DAB1: variants seen among roughly 807,000 people sequenced by gnomAD.
DAB1 encodes disabled homolog 1.
In DAB1, 15 loss-of-function variants were observed where a neutral mutation model predicts 64.6. The observed-to-expected ratio is 0.23, with a 90% CI of 0.16 to 0.36. The LOEUF (loss-of-function observed/expected upper bound fraction) is 0.36. DAB1 is among the 10% of genes least tolerant of loss of function. DAB1 has a pLI of 1.00. For synonymous variants in DAB1, 235 were observed against 251.9 expected, an observed-to-expected ratio of 0.93 and a Z score of 0.64; for missense variants, 596 against 706.7, an observed-to-expected ratio of 0.84 and a Z score of 1.78.
At chr1:58,163,326 G>A (rs1655645798) in intron 4 of DAB1, among the ~76,000 whole-genome samples, 1 of 152,182 alleles carries the variant, frequency 6.6e-6, no homozygotes, top group African/African-American at 2.4e-5. Context: ...CGGTAGATAT[G>A]GGAATGACAT....
At position 58,459,881 on chromosome 1, in the gene DAB1, G is replaced by A. The variant is rs10889094; in HGVS notation, n.257+46179C>T. On this transcript the variant is annotated intron_variant and non_coding_transcript_variant, in intron 3 of 20. Transcript: ENST00000485760. ...TAATCCCAGCTACTCAGGAGACTGC[G>A]GCATGAGGATCACTTGAATGCAGGA... Among the ~76,000 whole-genome samples the A allele has an allele frequency of 7.8e-3, 1,186 of 152,252 alleles. 18 individuals carry two copies. The highest frequency in any genetic ancestry group is 0.027 in the African/African-American group (1,125 of 41,532).
At chr1:58,206,337 G>A (rs1157089595) in intron 4 of DAB1, among the ~76,000 whole-genome samples, 1 of 152,210 alleles carries the variant, frequency 6.6e-6, no homozygotes, top group African/African-American at 2.4e-5. Flanking sequence ...GGATGAATGA[G>A]TTTTGTCTGT....
At chr1:58,383,258 T>C (rs1035803896) in intron 3 of DAB1, among the ~76,000 whole-genome samples, 1 of 152,202 alleles carries the variant, frequency 6.6e-6, no homozygotes, top group Non-Finnish European at 1.5e-5. Context: ...ATATAGTAAG[T>C]GCATGACAGA....
At chr1:57,192,958 T>C (rs1664274853) in intron 2 of DAB1, among the ~76,000 whole-genome samples, 1 of 152,202 alleles carries the variant, frequency 6.6e-6, no homozygotes, top group Non-Finnish European at 1.5e-5. Flanking sequence ...AAGTTATATA[T>C]ATTTACAGTG....
chr1:57,328,391 C>T (rs1676362986), intron 1 of DAB1, among the ~76,000 whole-genome samples: 1 of 152,086 alleles, frequency 6.6e-6, no homozygotes, highest in African/African-American at 2.4e-5. Context: ...CACATGAGCT[C>T]ATGGAAAAGA....
chr1:58,074,074 T>G (rs1649443583), intron 5 of DAB1, among the ~76,000 whole-genome samples: 1 of 152,172 alleles, frequency 6.6e-6, no homozygotes, highest in Non-Finnish European at 1.5e-5. Context: ...CTCAAATACA[T>G]GAGCCGGTAA....
intron 2 of DAB1, among the ~76,000 whole-genome samples, chr1:57,160,790 C>T (rs914273204): frequency 6.6e-6 from 1 of 152,174 alleles, no homozygotes; most frequent in Non-Finnish European, 1.5e-5. Flanking sequence ...GGAAATAATG[C>T]TTACCTTGCA....
chr1:58,300,638 GAGAGAGAGAGGAAGGA>G (rs1557726248), intron 4 of DAB1, among the ~76,000 whole-genome samples: 16 of 61,834 alleles, frequency 2.6e-4, no homozygotes, highest in Middle Eastern at 7.4e-3. Context: ...GAGAGAGAGA[GAGAGAGAGAGGAAGGA>G]AGGAAGGAAG....
rs1381440433 is a variant in DAB1, at chr1:58,106,090, TTC to T, written n.387+44419_387+44420del. On this transcript the variant is annotated intron_variant and non_coding_transcript_variant, in intron 5 of 20. Transcript: ENST00000485760. ...GTTTTTTGTTTTTTGTTTTCCTTCC[TTC>T]CTTCCTTCCTTCCTTCCTTTTCTTT... Among the ~76,000 whole-genome samples, 8 of 86,536 alleles carry T rather than the reference TTC, an allele frequency of 9.2e-5. No homozygotes were observed. The East Asian group carries it at 5.4e-3, about 59-fold the overall frequency. The allele number at this position is 86,536 out of a possible 152,430, so 56.8% of individuals were successfully genotyped here. A position where few individuals can be genotyped will look rare whatever the true frequency, so the allele number is the denominator to read the frequency against.
intron 7 of DAB1, among the ~76,000 whole-genome samples, chr1:57,643,200 A>AT (rs1646152068): frequency 6.6e-6 from 1 of 152,158 alleles, no homozygotes; most frequent in South Asian, 2.1e-4. Flanking sequence ...TGCACTCACA[A>AT]TTGGCTGCCT....
At chr1:57,917,800 C>T (rs1644749314) in intron 5 of DAB1, among the ~76,000 whole-genome samples, 1 of 152,192 alleles carries the variant, frequency 6.6e-6, no homozygotes, top group Non-Finnish European at 1.5e-5. Flanking sequence ...GCCCCCTCTT[C>T]AGCACTCCCC....
intron 1 of DAB1, among the ~76,000 whole-genome samples, chr1:57,415,797 T>C (rs1053504237): frequency 1.3e-5 from 2 of 152,188 alleles, no homozygotes; most frequent in Non-Finnish European, 2.9e-5. Flanking sequence ...TAGGTACTGC[T>C]ACACCATCAC....
At chr1:57,117,898 T>A (rs190193613) in intron 4 of DAB1, among the ~76,000 whole-genome samples, 480 of 151,680 alleles carry the variant, frequency 3.2e-3, no homozygotes, top group Non-Finnish European at 5.6e-3. Flanking sequence ...GGGGGGATGG[T>A]AGGCTGGTCC....
chr1:57,861,180 G>C (rs1654006828), intron 1 of DAB1: 1 of 152,246 alleles, frequency 6.6e-6, no homozygotes, highest in Admixed American at 6.5e-5. Flanking sequence ...ACTGGCCACA[G>C]AGCACCTGGG....
At chr1:58,388,296 C>T (rs1644449663) in intron 3 of DAB1, among the ~76,000 whole-genome samples, 1 of 152,156 alleles carries the variant, frequency 6.6e-6, no homozygotes, top group Non-Finnish European at 1.5e-5. Flanking sequence ...TCCTAACATC[C>T]CAGATTCTCT....
At chr1:57,599,039 T>TGC (rs1645545021) in intron 7 of DAB1, among the ~76,000 whole-genome samples, 1 of 152,016 alleles carries the variant, frequency 6.6e-6, no homozygotes, top group African/African-American at 2.4e-5. Flanking sequence ...GTTTTTATTT[T>TGC]TTTTCTGCAC....
chr1:57,942,124 T>C (rs1333666388), intron 5 of DAB1, among the ~76,000 whole-genome samples: 2 of 152,206 alleles, frequency 1.3e-5, no homozygotes, highest in African/African-American at 4.8e-5. Flanking sequence ...TGGGCCAGCT[T>C]CGATCTAAGT....
intron 6 of DAB1, among the ~76,000 whole-genome samples, chr1:57,655,991 C>A (rs1163457751): frequency 6.6e-6 from 1 of 152,124 alleles, no homozygotes; most frequent in Non-Finnish European, 1.5e-5. Context: ...TTGGAACCCC[C>A]AATATGACGG....
intron 1 of DAB1, among the ~76,000 whole-genome samples, chr1:57,300,855 T>C (rs1673587074): frequency 6.6e-6 from 1 of 152,194 alleles, no homozygotes; most frequent in African/African-American, 2.4e-5. Flanking sequence ...AATGCATACA[T>C]TGGTGAAGAC....
Sources: allele counts gnomAD v4.1 joint callset (sites outside exome capture counted in the v4.1 genomes callset), GRCh38; gene constraint gnomAD v4.1.1; transcripts MANE v1.5; gene names NCBI Gene and HGNC (gene_info 2026-07-23, HGNC 2026-07-21).